Variants in SEMA3E observed in about 807,000 individuals in gnomAD.
SEMA3E encodes semaphorin-3E.
A neutral mutation model predicts 93.6 loss-of-function variants in SEMA3E; 49 were observed. The observed-to-expected ratio is 0.52, with a 90% CI of 0.42 to 0.66. SEMA3E has a LOEUF of 0.66. Ranked by LOEUF, SEMA3E falls within the 30% of genes least tolerant of loss-of-function variation. The probability of loss-of-function intolerance (pLI) is 0.00; values close to 1 mark genes in which losing one functional copy is unlikely to be tolerated. For synonymous variants in SEMA3E, 363 were observed against 330.7 expected (o/e 1.10, Z -1.06); for missense variants, 906 against 964.8 (o/e 0.94, Z 0.81).
chr7:83,620,185 TA>T (rs997628427), intron 1 of SEMA3E, among the ~76,000 whole-genome samples: 81 of 150,632 alleles, frequency 5.4e-4, no homozygotes, highest in African/African-American at 1.7e-3. Flanking sequence ...ACTTCCATAC[TA>T]AAAAAAAATA....
At chr7:83,484,961 T>G (rs909213721) in intron 2 of SEMA3E, among the ~76,000 whole-genome samples, 3 of 152,178 alleles carry the variant, frequency 2.0e-5, no homozygotes, top group Non-Finnish European at 4.4e-5. Context: ...AGAGAGTGTG[T>G]GAGTTCATTG....
intron 1 of SEMA3E, among the ~76,000 whole-genome samples, chr7:83,516,914 C>A (rs2115670420): frequency 6.7e-6 from 1 of 150,174 alleles, no homozygotes; most frequent in South Asian, 2.1e-4. Context: ...TAAACACATA[C>A]ATGCATTTAT....
At chr7:83,521,906 G>C (rs1232931782) in intron 1 of SEMA3E, among the ~76,000 whole-genome samples, 3 of 152,080 alleles carry the variant, frequency 2.0e-5, no homozygotes, top group Non-Finnish European at 2.9e-5. Flanking sequence ...ACTCAACTCA[G>C]TTCATTGTAG....
chr7:83,614,169 A>G (rs899009016), intron 1 of SEMA3E, among the ~76,000 whole-genome samples: 3 of 152,258 alleles, frequency 2.0e-5, no homozygotes, highest in Middle Eastern at 3.4e-3. Context: ...ACTTTTTAAT[A>G]CCTAAGATGG....
In SEMA3E at chr7:83,407,208, A is replaced by G; in HGVS notation, c.702T>C (p.Pro234=). Residue 234 remains proline (P), a synonymous_variant, in exon 7 of 17, where the codon CCT becomes CCC. Coordinates refer to ENST00000643230, the MANE Select transcript of SEMA3E (RefSeq NM_012431.3). ...TGTTGTCATCTCTGTCTTCATTGTC[A>G]GGAATCATGTATGAACCTACAAATT... ...EPKFVGSYMI[P]DNEDRDDNKV... 3 of 1,613,444 alleles carry G rather than the reference A, an allele frequency of 1.9e-6. No homozygotes were observed. Among genetic ancestry groups the G allele is most frequent in the Non-Finnish European group, 2.5e-6 (3 of 1,179,718 alleles).
At chr7:83,522,497 C>T (rs1207774983) in intron 1 of SEMA3E, among the ~76,000 whole-genome samples, 1 of 152,012 alleles carries the variant, frequency 6.6e-6, no homozygotes, top group Admixed American at 6.6e-5. Flanking sequence ...GCTGAAGCTA[C>T]CCTCTAGGGG....
intron 1 of SEMA3E, among the ~76,000 whole-genome samples, chr7:83,595,306 TTATG>T (rs1584353517): frequency 6.6e-6 from 1 of 152,128 alleles, no homozygotes; most frequent in African/African-American, 2.4e-5. Flanking sequence ...CTCTTTTTCT[TTATG>T]TAACACATTT....
At chr7:83,497,833 A>C (rs552604009) in intron 1 of SEMA3E, among the ~76,000 whole-genome samples, 1 of 152,322 alleles carries the variant, frequency 6.6e-6, no homozygotes, top group East Asian at 1.9e-4. Flanking sequence ...AAAGTTGCTC[A>C]GTCATAAACC....
At chr7:83,477,053 C>T (rs1790025512) in intron 2 of SEMA3E, among the ~76,000 whole-genome samples, 2 of 151,696 alleles carry the variant, frequency 1.3e-5, no homozygotes, top group Non-Finnish European at 2.9e-5. Flanking sequence ...ATAATTATAC[C>T]AGGATTAAGG....
At chr7:83,580,822 A>T (rs1792504027) in intron 1 of SEMA3E, among the ~76,000 whole-genome samples, 1 of 152,004 alleles carries the variant, frequency 6.6e-6, no homozygotes, top group African/African-American at 2.4e-5. Context: ...CCAAACAAAT[A>T]TAAGGCACTA....
At chr7:83,516,420 A>G (rs1366442115) in intron 1 of SEMA3E, among the ~76,000 whole-genome samples, 3 of 152,222 alleles carry the variant, frequency 2.0e-5, no homozygotes, top group Admixed American at 6.5e-5. Context: ...AAGATAATTT[A>G]TGGTAAGGGT....
At chr7:83,592,315 G>A (rs1792772039) in intron 1 of SEMA3E, among the ~76,000 whole-genome samples, 1 of 152,046 alleles carries the variant, frequency 6.6e-6, no homozygotes, top group African/African-American at 2.4e-5. Flanking sequence ...TTAAAGTTAT[G>A]CTAATAGGTA....
intron 1 of SEMA3E, among the ~76,000 whole-genome samples, chr7:83,531,400 G>A (rs13232864): frequency 0.52 from 70,095 of 133,900 alleles, 20,420 homozygotes; most frequent in Middle Eastern, 0.7. Context: ...AGGCTGGAGT[G>A]CAGTGATGCA....
chr7:83,501,024 T>A (rs897488080), intron 1 of SEMA3E, among the ~76,000 whole-genome samples: 1 of 152,216 alleles, frequency 6.6e-6, no homozygotes, highest in Non-Finnish European at 1.5e-5. Flanking sequence ...ATTTTAAAAG[T>A]CAGCTTTTCT....
At chr7:83,598,213 T>C (rs1792915915) in intron 1 of SEMA3E, among the ~76,000 whole-genome samples, 1 of 152,184 alleles carries the variant, frequency 6.6e-6, no homozygotes, top group Non-Finnish European at 1.5e-5. Flanking sequence ...TTATGGTAGA[T>C]GGCACAGATG....
chr7:83,570,369 C>T (rs374075853), intron 1 of SEMA3E, among the ~76,000 whole-genome samples: 1,992 of 149,852 alleles, frequency 0.013, 48 homozygotes, highest in African/African-American at 0.047. Context: ...CCGGCTAAAA[C>T]GGTGAAACCC....
intron 2 of SEMA3E, among the ~76,000 whole-genome samples, chr7:83,476,589 C>T (rs748553122): frequency 3.3e-5 from 5 of 152,112 alleles, no homozygotes; most frequent in South Asian, 2.1e-4. Flanking sequence ...TGCAACCAAA[C>T]GTTAACTCAG....
At chr7:83,545,219 A>G (rs1367275449) in intron 1 of SEMA3E, among the ~76,000 whole-genome samples, 3 of 152,054 alleles carry the variant, frequency 2.0e-5, no homozygotes, top group Admixed American at 6.6e-5. Flanking sequence ...AATAAGCTAC[A>G]TGGGGGCATA....
intron 4 of SEMA3E, among the ~76,000 whole-genome samples, chr7:83,445,391 T>C (rs957833528): frequency 6.6e-6 from 1 of 152,148 alleles, no homozygotes; most frequent in Non-Finnish European, 1.5e-5. Context: ...TTTGGTGGAT[T>C]AAAGTAATGA....
Sources: gnomAD v4.1 joint callset for allele counts (sites outside exome capture counted in the v4.1 genomes callset) on GRCh38, gnomAD v4.1.1 for gene constraint, MANE v1.5 for transcripts, NCBI Gene and HGNC (gene_info 2026-07-23, HGNC 2026-07-21) for gene names.